Variants in DPH6 observed in about 807,000 individuals in gnomAD.
DPH6 encodes the protein diphthine--ammonia ligase.
DPH6 carries 33 observed loss-of-function variants against 38.2 expected under a neutral mutation model. The ratio of observed to expected loss-of-function variants is 0.86; its 90% CI spans 0.65 to 1.15. The LOEUF is 1.15. DPH6 is among the 50% of genes most tolerant of loss of function. The pLI is 0.00. For synonymous variants in DPH6, 108 were observed against 103.0 expected (o/e 1.05, Z -0.30); for missense variants, 325 against 320.0 (o/e 1.02, Z -0.12).
intron 3 of DPH6, among the ~76,000 whole-genome samples, chr15:35,484,939 C>T (rs536568777): frequency 2.0e-5 from 3 of 152,102 alleles, no homozygotes; most frequent in Admixed American, 6.5e-5. Flanking sequence ...GCATTTCTTA[C>T]ATTTAACAAA....
At chr15:35,537,125 A>G (rs2055181437) in intron 3 of DPH6, among the ~76,000 whole-genome samples, 1 of 152,170 alleles carries the variant, frequency 6.6e-6, no homozygotes, top group Admixed American at 6.5e-5. Flanking sequence ...AGTGCTTCAT[A>G]TATTTTTCAA....
chr15:35,264,535 G>T (rs559842065), intron 3 of DPH6, among the ~76,000 whole-genome samples: 2 of 145,216 alleles, frequency 1.4e-5, no homozygotes, highest in African/African-American at 4.9e-5. Context: ...AAAAACAAAA[G>T]GCTTACTATT....
intron 3 of DPH6, among the ~76,000 whole-genome samples, chr15:35,487,013 T>G (rs894514073): frequency 6.6e-6 from 1 of 152,094 alleles, no homozygotes; most frequent in African/African-American, 2.4e-5. Flanking sequence ...ATCTTGAAAC[T>G]CCAAAATCTC....
chr15:35,243,229 C>T lies in DPH6; in HGVS notation n.201-22647G>A, dbSNP rs2051612603. ...AATATCACCCCTTACCACAAGATCT[C>T]CCTTCAGCTTAATCTCTCCCACTCT... On this transcript the variant is annotated intron_variant and non_coding_transcript_variant, in intron 3 of 3. Transcript: ENST00000560386. 2.1e-5 allele frequency among the ~76,000 whole-genome samples: 3 copies of T among 142,328 alleles called. 1 individual carries two copies. The highest frequency in any genetic ancestry group is 2.5e-4 in the South Asian group (1 of 4,042). 93.4% of individuals were successfully genotyped at this position (142,328 alleles called of 152,430 possible).
intron 3 of DPH6, 98 bp downstream of exon 3, chr15:35,538,176 C>A: frequency 8.8e-7 from 1 of 1,130,454 alleles, no homozygotes; most frequent in South Asian, 2.9e-5. Context: ...AGTTGGGCTA[C>A]TAACAATTGC....
At position 35,243,423 on chromosome 15, in the gene DPH6, A is replaced by G. The variant is rs1309176844; in HGVS notation, n.201-22841T>C. On this transcript the variant is annotated intron_variant and non_coding_transcript_variant, in intron 3 of 3. Transcript: ENST00000560386. ...CAGGAATGTCAGGCCTCTGAGCCCA[A>G]GCCAAGCCATTGCATCCCCTGTGAC... 1.4e-5 allele frequency among the ~76,000 whole-genome samples: 2 copies of G among 143,702 alleles called. 1 individual carries two copies. The highest frequency in any genetic ancestry group is 4.3e-4 in the East Asian group (2 of 4,614). The allele number at this position is 143,702 out of a possible 152,430, so 94.3% of individuals were successfully genotyped here.
At chr15:35,413,948 A>C (rs1350652763) in intron 5 of DPH6, among the ~76,000 whole-genome samples, 1 of 151,736 alleles carries the variant, frequency 6.6e-6, no homozygotes, top group African/African-American at 2.4e-5. Context: ...TTTTACATAC[A>C]TTCAAAACCA....
intron 3 of DPH6, among the ~76,000 whole-genome samples, chr15:35,355,478 C>A (rs2052551767): frequency 1.3e-5 from 2 of 152,154 alleles, no homozygotes; most frequent in South Asian, 4.1e-4. Context: ...TAGGGCAGAC[C>A]TGGTGGTGAC....
intron 6 of DPH6, among the ~76,000 whole-genome samples, chr15:35,405,104 C>T (rs1179808360): frequency 6.6e-6 from 1 of 152,044 alleles, no homozygotes; most frequent in East Asian, 1.9e-4. Flanking sequence ...TAGGCCAGTA[C>T]CATGCTATTT....
At chr15:35,494,134 T>C (rs2054518600) in intron 3 of DPH6, among the ~76,000 whole-genome samples, 1 of 152,132 alleles carries the variant, frequency 6.6e-6, no homozygotes, top group South Asian at 2.1e-4. Context: ...AGGGCTGTGT[T>C]AACACATGTA....
chr15:35,300,414 G>A (rs774350517), intron 3 of DPH6, among the ~76,000 whole-genome samples: 3 of 152,204 alleles, frequency 2.0e-5, no homozygotes, highest in African/African-American at 4.8e-5. Flanking sequence ...TTGTAAAACC[G>A]TAGAGAAGAA....
intron 3 of DPH6, among the ~76,000 whole-genome samples, chr15:35,312,551 G>T (rs1332214114): frequency 6.6e-6 from 1 of 152,136 alleles, no homozygotes; most frequent in East Asian, 1.9e-4. Context: ...CAGATTCATG[G>T]AGAGAAGTAA....
chr15:35,522,771 T>C (rs2054940348), intron 3 of DPH6, among the ~76,000 whole-genome samples: 1 of 151,048 alleles, frequency 6.6e-6, no homozygotes, highest in South Asian at 2.1e-4. Context: ...GCAAAAATTA[T>C]ACTCTTAATT....
intron 7 of DPH6, among the ~76,000 whole-genome samples, chr15:35,374,621 G>C (rs1396895011): frequency 1.3e-5 from 2 of 151,992 alleles, no homozygotes; most frequent in African/African-American, 4.8e-5. Flanking sequence ...TATCATTCAT[G>C]AACCTTTAGT....
intron 3 of DPH6, among the ~76,000 whole-genome samples, chr15:35,347,146 C>T (rs758897810): frequency 6.6e-6 from 1 of 152,094 alleles, no homozygotes; most frequent in Non-Finnish European, 1.5e-5. Flanking sequence ...CTCTCCTTTT[C>T]CCCTTCCACA....
chr15:35,160,097 T>C, the DPH6 span, among the ~76,000 whole-genome samples: 5 of 151,912 alleles, frequency 3.3e-5, 1 homozygote, highest in South Asian at 4.1e-4. Flanking sequence ...GGTACTATGC[T>C]CACTACCTGG....
At chr15:35,310,895 C>CA (rs532692414) in intron 3 of DPH6, among the ~76,000 whole-genome samples, 3,378 of 130,176 alleles carry the variant, frequency 0.026, 52 homozygotes, top group South Asian at 0.099. Context: ...ACTAAAAATA[C>CA]AAAAAAAAAA....
intron 3 of DPH6, among the ~76,000 whole-genome samples, chr15:35,456,475 T>TA (rs1179401890): frequency 3.3e-3 from 220 of 66,740 alleles, no homozygotes; most frequent in South Asian, 0.027. Flanking sequence ...ATATATATAT[T>TA]TATTTATTTA....
intron 8 of DPH6, among the ~76,000 whole-genome samples, chr15:35,373,020 T>C (rs2052732959): frequency 6.6e-6 from 1 of 151,982 alleles, no homozygotes; most frequent in South Asian, 2.1e-4. Flanking sequence ...TTTTACTGTA[T>C]CTTGACAGTG....
Sources: allele counts gnomAD v4.1 joint callset (sites outside exome capture counted in the v4.1 genomes callset), GRCh38; gene constraint gnomAD v4.1.1; transcripts MANE v1.5; gene names NCBI Gene and HGNC (gene_info 2026-07-23, HGNC 2026-07-21).